ARL17B: variants seen among roughly 807,000 people sequenced by gnomAD.
ARL17B encodes ADP-ribosylation factor-like protein 17.
At position 46,352,845 on chromosome 17, in the gene ARL17B, CCA is replaced by C. The variant is rs1762535999; in HGVS notation, c.232_233del (p.Trp78AlafsTer31). ...CTTTTGTGTTCTGGAAAAAATGCTG[CCA>C]CAGAGGTCTGATTTTGAAGTGGCTG... ...VGSHFKIRPL[W>X]QHFFQNTKGA... On this transcript the variant is annotated frameshift_variant, in exon 3 of 4. Coordinates refer to ENST00000450673, the MANE Select transcript of ARL17B (RefSeq NM_001039083.5). LOFTEE classifies it high-confidence loss of function. 2.2e-6 allele frequency: 2 copies of C among 901,486 alleles called. No homozygotes were observed. Among genetic ancestry groups the C allele is most frequent in the South Asian group, 1.7e-5 (1 of 59,392 alleles). The allele number at this position is 901,486 out of a possible 1,614,324, so 55.8% of individuals were successfully genotyped here. A position where few individuals can be genotyped will look rare whatever the true frequency, so the allele number is the denominator to read the frequency against.
intron 4 of ARL17B, among the ~76,000 whole-genome samples, chr17:46,287,858 G>A (rs1478171487): frequency 1.3e-5 from 2 of 152,238 alleles, no homozygotes; most frequent in African/African-American, 4.8e-5. Flanking sequence ...AGTGGCCTCT[G>A]TAATAAAAGA....
chr17:46,350,621 C>T (rs2052708804), intron 3 of ARL17B, among the ~76,000 whole-genome samples: 1 of 85,132 alleles, frequency 1.2e-5, no homozygotes, highest in Admixed American at 1.2e-4. Flanking sequence ...GGTCTCAGCA[C>T]TTTGGGAGGC....
At chr17:46,284,750 T>G (rs2049859684) in intron 4 of ARL17B, among the ~76,000 whole-genome samples, 1 of 152,274 alleles carries the variant, frequency 6.6e-6, no homozygotes, top group African/African-American at 2.4e-5. Flanking sequence ...GTGGCAGAGA[T>G]GTGATGTTAG....
At chr17:46,274,230 C>T (rs2049530361), downstream of ARL17B, among the ~76,000 whole-genome samples, 1 of 152,228 alleles carries the variant, frequency 6.6e-6, no homozygotes, top group South Asian at 2.1e-4. Flanking sequence ...GTTTCACATA[C>T]ATCCATAGTT....
At position 46,335,453 on chromosome 17, in the gene ARL17B, T is replaced by C; in HGVS notation, c.*4047A>G. 1 of 164,560 alleles carries C rather than the reference T, an allele frequency of 6.1e-6. No homozygotes were observed. Among genetic ancestry groups the C allele is most frequent in the East Asian group, 3.5e-5 (1 of 28,704 alleles). 10.2% of individuals were successfully genotyped at this position (164,560 alleles called of 1,614,324 possible). ...CAAAAAAGTTACCTCATCAGGTACATGAGACTTATAATGAATAAAAGGAAT... is the reference window on the plus strand; with the variant it reads ...CAAAAAAGTTACCTCATCAGGTACACGAGACTTATAATGAATAAAAGGAAT... On this transcript the variant is annotated 3_prime_UTR_variant, in exon 4 of 4. Coordinates refer to ENST00000450673, the MANE Select transcript of ARL17B (RefSeq NM_001039083.5).
At chr17:46,291,925 C>T (rs1344250546) in intron 4 of ARL17B, among the ~76,000 whole-genome samples, 1 of 145,532 alleles carries the variant, frequency 6.9e-6, no homozygotes, top group Non-Finnish European at 1.5e-5. Flanking sequence ...TGCACCGCTG[C>T]ACTCCAGCCT....
At chr17:46,288,377 C>T (rs1311281105) in intron 4 of ARL17B, among the ~76,000 whole-genome samples, 14 of 146,644 alleles carry the variant, frequency 9.5e-5, no homozygotes, top group African/African-American at 2.6e-5. Context: ...GGCATGATCT[C>T]GGCTCACTGC....
At chr17:46,278,292 T>G (rs1471647690) in intron 4 of ARL17B, among the ~76,000 whole-genome samples, 1 of 152,246 alleles carries the variant, frequency 6.6e-6, no homozygotes. Context: ...CAACTTTCAT[T>G]TAAGCCCTGT....
chr17:46,331,152 C>T (rs1184078874), downstream of ARL17B: 32 of 736,230 alleles, frequency 4.3e-5, 11 homozygotes, highest in South Asian at 5.5e-5. Context: ...GTTACAAATA[C>T]GAAGACGTCT....
rs1567862260 is a variant in ARL17B, at chr17:46,300,577, ATT to A, written c.260-914_260-913del. Among the ~76,000 whole-genome samples, 2 of 42,678 alleles carry A rather than the reference ATT, an allele frequency of 4.7e-5. 1 individual carries two copies. The highest frequency in any genetic ancestry group is 1.4e-4 in the Non-Finnish European group (2 of 13,892). The allele number at this position is 42,678 out of a possible 152,430, so 28.0% of individuals were successfully genotyped here. A position where few individuals can be genotyped will look rare whatever the true frequency, so the allele number is the denominator to read the frequency against. On this transcript the variant is annotated intron_variant, in intron 3 of 4. Transcript: ENST00000434041. ...TACATATTTACATAAAGCAAAATAG[ATT>A]TGTTTTGTGGTTTTAAAATTTTTTC...
rs1376455756 is a variant in ARL17B at position 46,316,623 on chromosome 17, A to AT, written c.260-16959dup. 5.5e-5 allele frequency among the ~76,000 whole-genome samples: 4 copies of AT among 72,382 alleles called. 1 individual carries two copies. The highest frequency in any genetic ancestry group is 1.4e-4 in the African/African-American group (4 of 27,984). The allele number at this position is 72,382 out of a possible 152,430, so 47.5% of individuals were successfully genotyped here. On this transcript the variant is annotated intron_variant, in intron 3 of 4. Coordinates refer to the ARL17B transcript ENST00000434041. ...GTTTTTTTTGTTTTTGTTTTTTTTA[A>AT]TTTTTTTTTATTGATCATTCTTGGG...
At chr17:46,317,140 T>C (rs1189258128) in intron 3 of ARL17B, among the ~76,000 whole-genome samples, 3,408 of 66,984 alleles carry the variant, frequency 0.051, 21 homozygotes, top group Middle Eastern at 0.27. Context: ...ACCTCCCAGA[T>C]GGGGTGGCGG....
At chr17:46,341,088 G>A (rs2052518621) in intron 3 of ARL17B, among the ~76,000 whole-genome samples, 1 of 50,656 alleles carries the variant, frequency 2.0e-5, no homozygotes, top group African/African-American at 8.3e-5. Flanking sequence ...ACTGCAGAGA[G>A]GGCAGGGAGG....
At position 46,303,133 on chromosome 17, in the gene ARL17B, GA is replaced by G. The variant is rs1312379418; in HGVS notation, c.260-3469del. 3.5e-4 allele frequency among the ~76,000 whole-genome samples: 5 copies of G among 14,474 alleles called. No homozygotes were observed. In the East Asian group the frequency reaches 4.1e-3, roughly 12 times the overall value. The allele number at this position is 14,474 out of a possible 152,430, so 9.5% of individuals were successfully genotyped here. On this transcript the variant is annotated intron_variant, in intron 3 of 4. Transcript: ENST00000434041. ...AGAAAAGAAACAAAGAAATATGCGA[GA>G]GATCATATGTGGCCCATAAAACCTA...
At chr17:46,284,288 G>A (rs1197550904) in intron 4 of ARL17B, among the ~76,000 whole-genome samples, 80 of 152,346 alleles carry the variant, frequency 5.3e-4, no homozygotes, top group Non-Finnish European at 1.3e-4. Flanking sequence ...GCGGCCTTCC[G>A]CAGTGTTTGT....
intron 3 of ARL17B, among the ~76,000 whole-genome samples, chr17:46,317,151 C>A (rs1320574118): frequency 1.1e-5 from 1 of 89,354 alleles, no homozygotes; most frequent in African/African-American, 3.0e-5. Context: ...GGGGTGGCGG[C>A]CGGGCAGAGG....
intron 4 of ARL17B, among the ~76,000 whole-genome samples, chr17:46,277,068 G>A (rs1440423494): frequency 1.3e-5 from 2 of 152,328 alleles, no homozygotes; most frequent in Non-Finnish European, 2.9e-5. Context: ...GCTTCTCAAA[G>A]TGTTGAGATC....
At chr17:46,279,490 TTC>T (rs1491344784) in intron 4 of ARL17B, among the ~76,000 whole-genome samples, 2 of 140,128 alleles carry the variant, frequency 1.4e-5, no homozygotes, top group African/African-American at 5.4e-5. Flanking sequence ...GGCCTTTTTT[TTC>T]TTTCTTTCTT....
At chr17:46,274,320 C>T (rs2732706), downstream of ARL17B, among the ~76,000 whole-genome samples, 21,731 of 151,958 alleles carry the variant, frequency 0.14, 1,893 homozygotes, top group Non-Finnish European at 0.22. Context: ...TTACTCATTT[C>T]AACCTGGTGT....
Sources: allele counts gnomAD v4.1 joint callset (sites outside exome capture counted in the v4.1 genomes callset), GRCh38; gene constraint gnomAD v4.1.1; transcripts MANE v1.5; gene names NCBI Gene and HGNC (gene_info 2026-07-23, HGNC 2026-07-21).